Variants in MED20 observed in about 807,000 individuals in gnomAD.
MED20 encodes mediator of RNA polymerase II transcription subunit 20.
Under a neutral mutation model 19.7 loss-of-function variants are expected in MED20, and 19 were observed. The ratio of observed to expected loss-of-function variants is 0.96; its 90% CI spans 0.67 to 1.42. The LOEUF is 1.42. MED20 is among the 40% of genes most tolerant of loss of function. MED20 has a pLI of 0.00. For missense variants in MED20, 225 were observed against 273.0 expected, an observed-to-expected ratio of 0.82 and a Z score of 1.24; for synonymous variants, 105 against 104.8, an observed-to-expected ratio of 1.00 and a Z score of -0.01.
rs1267065576 is a variant in MED20 at position 41,921,050 on chromosome 6, C to T, written c.-32G>A. ...GGGCCAGGAAGGTGGCAGAATCACA[C>T]AGTAGAAACGCAGGGTTCCCTGTCC... On this transcript the variant is annotated 5_prime_UTR_variant, in exon 1 of 4. It adds an upstream start codon to the 5' untranslated region. Transcript: ENST00000265350. The T allele has an allele frequency of 1.2e-6, 2 of 1,610,318 alleles. No individual in the cohort carries two copies. Among genetic ancestry groups the T allele is most frequent in the Non-Finnish European group, 1.7e-6 (2 of 1,178,154 alleles).
intron 3 of MED20, among the ~76,000 whole-genome samples, chr6:41,908,563 A>C (rs959401922): frequency 1.3e-5 from 2 of 152,244 alleles, no homozygotes; most frequent in Non-Finnish European, 2.9e-5. Context: ...CATACTAAGG[A>C]AAGGTATATG....
intron 2 of MED20, among the ~76,000 whole-genome samples, chr6:41,915,894 C>T (rs1775304467): frequency 6.6e-6 from 1 of 152,072 alleles, no homozygotes; most frequent in South Asian, 2.1e-4. Context: ...TGCATATATC[C>T]AAACTCATTA....
At chr6:41,917,820 G>C (rs1386583627) in intron 1 of MED20, 1 of 470,550 alleles carries the variant, frequency 2.1e-6, no homozygotes, top group Admixed American at 2.3e-5. Flanking sequence ...GAGCTGTTCA[G>C]CACAGTAGCC....
At chr6:41,912,324 G>A (rs937167911) in intron 2 of MED20, among the ~76,000 whole-genome samples, 4 of 140,426 alleles carry the variant, frequency 2.8e-5, no homozygotes, top group Non-Finnish European at 4.5e-5. Context: ...TCACAGGTAT[G>A]AGCCACTGCA....
intron 1 of MED20, among the ~76,000 whole-genome samples, chr6:41,919,858 A>C (rs1336966175): frequency 6.6e-6 from 1 of 152,230 alleles, no homozygotes; most frequent in African/African-American, 2.4e-5. Flanking sequence ...CCATTAAGGA[A>C]CACAGGAGGA....
chr6:41,921,085 A>T lies in MED20; in HGVS notation c.-67T>A. 6.3e-7 allele frequency: 1 copy of T among 1,598,274 alleles called. No homozygotes were observed. ...GCAGGGTTCCCTGTCCGCCCACAGAAACTCCTTCAGTTCCCCAACACAACC... is the reference window on the plus strand; with the variant it reads ...GCAGGGTTCCCTGTCCGCCCACAGATACTCCTTCAGTTCCCCAACACAACC... On this transcript the variant is annotated 5_prime_UTR_variant, in exon 1 of 4. Transcript: ENST00000265350.
At chr6:41,916,406 C>A (rs1344846188) in intron 2 of MED20, among the ~76,000 whole-genome samples, 1 of 151,950 alleles carries the variant, frequency 6.6e-6, no homozygotes, top group African/African-American at 2.4e-5. Context: ...ACAGAGAAAC[C>A]CCATATCTAC....
chr6:41,915,576 AG>A (rs2127379280), intron 2 of MED20, among the ~76,000 whole-genome samples: 1 of 152,282 alleles, frequency 6.6e-6, no homozygotes, highest in Admixed American at 6.5e-5. Flanking sequence ...TCACAAGGTC[AG>A]GAGATCAAGA....
chr6:41,907,034 AC>A lies in MED20; in HGVS notation c.*37del. On this transcript the variant is annotated 3_prime_UTR_variant, in exon 4 of 4. Coordinates refer to ENST00000265350, the MANE Select transcript of MED20 (RefSeq NM_004275.5). ...TCAGCACCTGCTCCTCCTGTGGAGT[AC>A]CCCTGGTGACAGAGCTCAGCTGGCA... is the stretch of plus-strand genomic sequence containing the variant. 2 of 1,593,970 alleles carry A rather than the reference AC, an allele frequency of 1.3e-6. No homozygotes were observed. The highest frequency in any genetic ancestry group is 1.7e-6 in the Non-Finnish European group (2 of 1,164,370).
rs768498294 is a variant in MED20 at position 41,907,196 on chromosome 6, G to A, written c.515C>T (p.Ala172Val). 7 of 1,614,090 alleles carry A rather than the reference G, an allele frequency of 4.3e-6. No individual in the cohort carries two copies. The Admixed American group carries it at 8.3e-5, about 19-fold the overall frequency. Residue 172 changes from alanine to valine, a missense_variant, in exon 4 of 4, where the codon GCT becomes GTT. Ala to Val is a moderately conservative substitution (Grantham distance 64). Coordinates refer to ENST00000265350, the MANE Select transcript of MED20 (RefSeq NM_004275.5). The part of the protein sequence containing the change: ...QSFLGSHTPG[A>V]PAVFGNRHDA... ...ATGTCTGTTCCCAAACACTGCGGGA[G>A]CCCCTGGTGTGTGGCTGCCTAGAAA...
At chr6:41,909,666 C>T (rs1271880827) in intron 2 of MED20, 144 bp from the exon 3 acceptor site, 2 of 1,231,234 alleles carry the variant, frequency 1.6e-6, no homozygotes, top group Non-Finnish European at 2.3e-6. Flanking sequence ...GGGGAATCCT[C>T]TCACTGACAG....
In MED20 at chr6:41,906,008, G is replaced by A. The variant is rs529891732; in HGVS notation, c.*1064C>T. On this transcript the variant is annotated 3_prime_UTR_variant, in exon 4 of 4. Coordinates refer to ENST00000265350, the MANE Select transcript of MED20 (RefSeq NM_004275.5). ...AGGAGGTATTAACTGCAAAATAACA[G>A]CCAAAAGCATTCCTGGGCACGTCCA... The A allele has an allele frequency of 6.6e-6, 1 of 152,300 alleles. No individual in the cohort carries two copies. Among genetic ancestry groups the A allele is most frequent in the South Asian group, 2.1e-4 (1 of 4,824 alleles). 9.4% of individuals were successfully genotyped at this position (152,300 alleles called of 1,614,324 possible).
In MED20 at chr6:41,917,333, G is replaced by A. The variant is rs9462754; in HGVS notation, c.15-394C>T. ...GAGAATCATTTGAACCCGGGAGGCC[G>A]AGACTGCAGTAAGCCGAGACTGCGC... On this transcript the variant is annotated intron_variant, in intron 1 of 3. Coordinates refer to ENST00000265350, the MANE Select transcript of MED20 (RefSeq NM_004275.5). 1,015 of 171,622 alleles carry A rather than the reference G, an allele frequency of 5.9e-3. 8 individuals carry two copies. Among genetic ancestry groups the A allele is most frequent in the African/African-American group, 0.021 (865 of 41,650 alleles). 10.6% of individuals were successfully genotyped at this position (171,622 alleles called of 1,614,324 possible).
rs926964492 is a variant in MED20 at position 41,906,448 on chromosome 6, G to A, written c.*624C>T. ...CAAACTTCGATCTTATAGCAGTTTG[G>A]CCTGTGGCTTAACATATTTCACAAC... is the stretch of plus-strand genomic sequence containing the variant. On this transcript the variant is annotated 3_prime_UTR_variant, in exon 4 of 4. Transcript: ENST00000265350. 6.6e-6 allele frequency: 1 copy of A among 152,384 alleles called. No individual in the cohort carries two copies. Among genetic ancestry groups the A allele is most frequent in the Non-Finnish European group, 1.5e-5 (1 of 68,192 alleles). The allele number at this position is 152,384 out of a possible 1,614,324, so 9.4% of individuals were successfully genotyped here.
chr6:41,908,249 C>T (rs1455811417), intron 3 of MED20, among the ~76,000 whole-genome samples: 1 of 152,196 alleles, frequency 6.6e-6, no homozygotes, highest in African/African-American at 2.4e-5. Context: ...GTGTTTCAGC[C>T]TCACTCTTAA....
intron 1 of MED20, 173 bp downstream of exon 1, chr6:41,920,832 G>A (rs1775443601): frequency 1.1e-5 from 7 of 647,708 alleles, no homozygotes; most frequent in South Asian, 6.7e-5. Flanking sequence ...AGGAAGGGGC[G>A]CATCTCTGAG....
Position 41,906,945 on chromosome 6 carries a change from G to C in MED20, c.*127C>G. The C allele has an allele frequency of 1.2e-6, 1 of 800,868 alleles. No individual in the cohort carries two copies. Among genetic ancestry groups the C allele is most frequent in the Non-Finnish European group, 2.0e-6 (1 of 506,946 alleles). 49.6% of individuals were successfully genotyped at this position (800,868 alleles called of 1,614,324 possible). ...GCCCCAGAACAAAAGCCACAGCTGA[G>C]AACCAGAGAAGGAGAGTAGAGTCCA... On this transcript the variant is annotated 3_prime_UTR_variant, in exon 4 of 4. Transcript: ENST00000265350.
chr6:41,909,479 G>T lies in MED20; in HGVS notation c.213C>A (p.Tyr71Ter), dbSNP rs1244536202. The stretch of plus-strand genomic sequence containing the variant: ...CAAAGAGGGCGAAACAGCTCAATGG[G>T]TACTCTGAGTTGTGCATCACATACA... ...KLMYVMHNSE[Y>*]PLSCFALFEN... Residue 71 changes from tyrosine (Y) to a stop codon, truncating the protein, a stop_gained, in exon 3 of 4, where the codon TAC becomes TAA. Coordinates refer to ENST00000265350, the MANE Select transcript of MED20 (RefSeq NM_004275.5). LOFTEE classifies it high-confidence loss of function. 5 of 1,614,116 alleles carry T rather than the reference G, an allele frequency of 3.1e-6. No individual in the cohort carries two copies. Among genetic ancestry groups the T allele is most frequent in the Admixed American group, 1.7e-5 (1 of 60,008 alleles).
At chr6:41,909,694 G>A (rs537046284) in intron 2 of MED20, among the ~76,000 whole-genome samples, 172 bp from the exon 3 acceptor site, 6 of 152,240 alleles carry the variant, frequency 3.9e-5, no homozygotes, top group Admixed American at 1.3e-4. Flanking sequence ...TAGAAAGGTA[G>A]GGGGAAATAG....
Sources: gnomAD v4.1 joint callset for allele counts (sites outside exome capture counted in the v4.1 genomes callset) on GRCh38, gnomAD v4.1.1 for gene constraint, MANE v1.5 for transcripts, NCBI Gene and HGNC (gene_info 2026-07-23, HGNC 2026-07-21) for gene names.